Variants in NCOR2 observed in about 807,000 individuals in gnomAD.
NCOR2 encodes nuclear receptor corepressor 2, also known as CTG repeat protein 26.
In NCOR2, 81 loss-of-function variants were observed where a neutral mutation model predicts 262.9. That is an observed-to-expected ratio of 0.31 (90% CI 0.26 to 0.37). NCOR2 has a LOEUF of 0.37. Ranked by LOEUF, NCOR2 falls within the 10% of genes least tolerant of loss-of-function variation. The pLI, the probability that NCOR2 is intolerant of heterozygous loss-of-function variation, is 1.00. For missense variants in NCOR2, 3,385 were observed against 3,621.4 expected (o/e 0.93, Z 1.68); for synonymous variants, 1,659 against 1,559.3 (o/e 1.06, Z -1.51).
intron 30 of NCOR2, among the ~76,000 whole-genome samples, chr12:124,347,125 C>G (rs1331382549): frequency 6.6e-6 from 1 of 152,238 alleles, no homozygotes; most frequent in African/African-American, 2.4e-5. Context: ...TCCCAACACT[C>G]TGGGGGGCTG....
Position 124,504,187 on chromosome 12 carries a change from ATCC to A in NCOR2, c.-117-8822_-117-8820del. Among the ~76,000 whole-genome samples, 1 of 152,194 alleles carries A rather than the reference ATCC, an allele frequency of 6.6e-6. No homozygotes were observed. Among genetic ancestry groups the A allele is most frequent in the East Asian group, 1.9e-4 (1 of 5,190 alleles). The stretch of plus-strand genomic sequence containing the variant: ...AGGCCGAGAGGACTCCAGCCTGGGA[ATCC>A]TCCTCCTTGACCCCGGGTAGATGTA... On this transcript the variant is annotated intron_variant, in intron 1 of 46. Coordinates refer to the NCOR2 transcript ENST00000404621. This position sits in a 1 kb window ranked among gnomAD's most constrained non-coding sequence, Gnocchi z 4.5.
At chr12:124,338,367 G>C (rs1309062106) in intron 37 of NCOR2, among the ~76,000 whole-genome samples, 1 of 152,108 alleles carries the variant, frequency 6.6e-6, no homozygotes, top group East Asian at 1.9e-4. Flanking sequence ...AATTAGCCGG[G>C]TGTGGTTGCA....
chr12:124,337,420 G>GGCAC (rs1232220541), intron 37 of NCOR2: 1 of 692,994 alleles, frequency 1.4e-6, no homozygotes, highest in Non-Finnish European at 2.6e-6. Context: ...CTAGGTGCCA[G>GGCAC]GCACTGTTCT....
At chr12:124,371,315 C>G (rs756860088) in intron 20 of NCOR2, among the ~76,000 whole-genome samples, 12 of 152,034 alleles carry the variant, frequency 7.9e-5, no homozygotes, top group Non-Finnish European at 1.5e-4. Flanking sequence ...GTTCCCACCA[C>G]GCTGAGGGTA....
intron 10 of NCOR2, among the ~76,000 whole-genome samples, chr12:124,427,870 G>A (rs1043938719): frequency 1.3e-5 from 2 of 152,174 alleles, no homozygotes; most frequent in Non-Finnish European, 2.9e-5. Context: ...CCAGAAGGAT[G>A]GGAAGTGCCT....
At chr12:124,429,438 G>A (rs751643029) in intron 10 of NCOR2, 175 bp downstream of exon 12, 9 of 646,926 alleles carry the variant, frequency 1.4e-5, no homozygotes, top group Non-Finnish European at 2.2e-5. Context: ...CTCTCTGCTC[G>A]CCCCTGCAGG....
At chr12:124,335,443 G>A (rs1237095799) in intron 39 of NCOR2, 40 bp downstream of exon 41, 3 of 1,587,606 alleles carry the variant, frequency 1.9e-6, no homozygotes, top group African/African-American at 2.7e-5. Flanking sequence ...GGTCCTCACT[G>A]TGCAGGGCTT....
chr12:124,483,526 T>C lies in NCOR2; in HGVS notation c.411+70A>G. The C allele has an allele frequency of 3.3e-6, 3 of 917,324 alleles. No homozygotes were observed. Among genetic ancestry groups the C allele is most frequent in the Admixed American group, 3.3e-5 (1 of 29,900 alleles). The allele number at this position is 917,324 out of a possible 1,614,324, so 56.8% of individuals were successfully genotyped here. A position where few individuals can be genotyped will look rare whatever the true frequency, so the allele number is the denominator to read the frequency against. On this transcript the variant is annotated intron_variant, in intron 3 of 46. Transcript: ENST00000405201. The surrounding 1 kb of genome is among the most constrained non-coding windows in gnomAD (Gnocchi z 6.3). ...CCTCCCTGCACCCCTACCCACCACC[T>C]CCCACCCAGCCCAACCAGCAGCAGA...
exon 11 of NCOR2, chr12:124,426,690 C>T (rs1019445670): frequency 1.2e-6 from 2 of 1,612,010 alleles, no homozygotes; most frequent in Non-Finnish European, 1.7e-6. Context: ...TGTACACCTT[C>T]ATGGGGTCGG....
chr12:124,470,107 A>G (rs2046752502), intron 4 of NCOR2, among the ~76,000 whole-genome samples: 1 of 150,694 alleles, frequency 6.6e-6, no homozygotes, highest in Non-Finnish European at 1.5e-5. Context: ...TAGAGGCTCC[A>G]GTGAGCCAAG....
At chr12:124,495,397 G>T, upstream of NCOR2, 1 of 1,422,748 alleles carries the variant, frequency 7.0e-7, no homozygotes, top group Non-Finnish European at 9.2e-7. The surrounding 1 kb of genome is among the most constrained non-coding windows in gnomAD (Gnocchi z 4.4). Context: ...AGAAAAACAA[G>T]ATCAGCCACG....
intron 20 of NCOR2, among the ~76,000 whole-genome samples, chr12:124,366,737 T>TG (rs2039068795): frequency 6.6e-6 from 1 of 152,170 alleles, no homozygotes; most frequent in South Asian, 2.1e-4. Flanking sequence ...AAGCTGGTCT[T>TG]GAACTCCTGG....
At chr12:124,374,654 C>T (rs900710974) in intron 18 of NCOR2, among the ~76,000 whole-genome samples, 191 bp from the exon 21 acceptor site, 1 of 152,250 alleles carries the variant, frequency 6.6e-6, no homozygotes, top group Admixed American at 6.5e-5. Context: ...CTCTGGCCAG[C>T]GGCCACAGGT....
rs547001116 is a variant in NCOR2, at chr12:124,477,531, A to T, written c.412-4400T>A. 3.9e-5 allele frequency among the ~76,000 whole-genome samples: 6 copies of T among 152,342 alleles called. No individual in the cohort carries two copies. In the South Asian group the frequency reaches 1.2e-3, roughly 32 times the overall value. On this transcript the variant is annotated intron_variant, in intron 3 of 46. Transcript: ENST00000405201. ...GGGGTCTCCTTTTGGGGTGATGAGA[A>T]TGATCTAGAACTAGACAGGTGACAG...
At position 124,486,547 on chromosome 12, in the gene NCOR2, G is replaced by A; in HGVS notation, c.127C>T (p.Gln43Ter). The A allele has an allele frequency of 6.3e-7, 1 of 1,586,386 alleles. No homozygotes were observed. Among genetic ancestry groups the A allele is most frequent in the Non-Finnish European group, 8.6e-7 (1 of 1,167,040 alleles). ...GAGGCATAGTCGCGGGAGTGGTGCT[G>A]GTACTCCAGGAGCCCGACGTCCTGC... is the stretch of plus-strand genomic sequence containing the variant. Residue 43 changes from glutamine (Q) to a stop codon, truncating the protein, a stop_gained, in exon 2 of 47, where the codon CAG (glutamine) becomes TAG (stop). Transcript: ENST00000405201. LOFTEE classifies it high-confidence loss of function.
chr12:124,495,096 GA>G lies in NCOR2; in HGVS notation c.105+50del. ...GAAGGGGTGAAGACTCAGTGGAATGGAAGAAGGGTCTCAAAGGTAGCCCCAG... is the reference window on the plus strand; with the variant it reads ...GAAGGGGTGAAGACTCAGTGGAATGGAGAAGGGTCTCAAAGGTAGCCCCAG... On this transcript the variant is annotated intron_variant, in intron 1 of 46. Coordinates refer to ENST00000405201, the Ensembl canonical transcript of NCOR2. The surrounding 1 kb of genome is among the most constrained non-coding windows in gnomAD (Gnocchi z 4.4). The G allele has an allele frequency of 1.9e-6, 3 of 1,596,860 alleles. No homozygotes were observed. The highest frequency in any genetic ancestry group is 2.6e-6 in the Non-Finnish European group (3 of 1,170,702).
rs543225160 is a variant in NCOR2 at position 124,356,408 on chromosome 12, C to G, written c.3241+234G>C. 3.3e-5 allele frequency among the ~76,000 whole-genome samples: 5 copies of G among 152,326 alleles called. No individual in the cohort carries two copies. The South Asian group carries it at 8.3e-4, about 25-fold the overall frequency. On this transcript the variant is annotated intron_variant, in intron 23 of 46. Transcript: ENST00000405201. Reference sequence around the variant, plus strand: ...ACATAGCTCCCACTCTAAGCCTGCCCCTCACCAGCTCAAGCACCTGCTGTG... The same window carrying G: ...ACATAGCTCCCACTCTAAGCCTGCCGCTCACCAGCTCAAGCACCTGCTGTG...
chr12:124,352,990 C>T (rs544100958), intron 27 of NCOR2, among the ~76,000 whole-genome samples: 2 of 152,342 alleles, frequency 1.3e-5, no homozygotes, highest in Non-Finnish European at 2.9e-5. Context: ...CGGCTCTGTG[C>T]GTGCAGGCCA....
intron 6 of NCOR2, among the ~76,000 whole-genome samples, chr12:124,453,621 A>C (rs2045677018): frequency 6.6e-6 from 1 of 152,230 alleles, no homozygotes; most frequent in Non-Finnish European, 1.5e-5. Flanking sequence ...GAAGAGCCAG[A>C]GTCCCAGGCG....
Sources: gnomAD v4.1 joint callset for allele counts (sites outside exome capture counted in the v4.1 genomes callset) on GRCh38, gnomAD v4.1.1 for gene constraint, Gnocchi (gnomAD v3.1) non-coding constraint, MANE v1.5 for transcripts, NCBI Gene and HGNC (gene_info 2026-07-23, HGNC 2026-07-21) for gene names.